ANGEL1: variants seen among roughly 807,000 people sequenced by gnomAD.
The protein encoded by ANGEL1 is RNA 2',3'-cyclic phosphatase ANGEL1.
A neutral mutation model predicts 76.4 loss-of-function variants in ANGEL1; 62 were observed. That is an observed-to-expected ratio of 0.81 (90% CI 0.66 to 1.00). ANGEL1 has a LOEUF of 1.00. Among genes scored for constraint, ANGEL1 ranks in the 50% least tolerant of loss-of-function variants. The pLI is 0.00. For missense variants in ANGEL1, 737 were observed against 836.7 expected (o/e 0.88, Z 1.47); for synonymous variants, 340 against 331.7 (o/e 1.03, Z -0.27).
intron 7 of ANGEL1, among the ~76,000 whole-genome samples, chr14:76,794,085 G>A (rs1388039069): frequency 6.6e-6 from 1 of 152,136 alleles, no homozygotes; most frequent in African/African-American, 2.4e-5. Context: ...ACAGAACTGA[G>A]AGTCCAGAAA....
intron 1 of ANGEL1, among the ~76,000 whole-genome samples, chr14:76,811,354 CTTT>C (rs1193376049): frequency 2.6e-5 from 4 of 152,152 alleles, no homozygotes; most frequent in Admixed American, 6.5e-5. Context: ...GGCAGAGGTT[CTTT>C]GGTTCATATG....
chr14:76,790,899 T>C, intron 8 of ANGEL1, 125 bp from the exon 9 acceptor site: 3 of 1,316,288 alleles, frequency 2.3e-6, no homozygotes, highest in Non-Finnish European at 3.0e-6. Context: ...TCTCAGCCAA[T>C]TCCTCCCCAT....
chr14:76,805,355 G>A (rs1894887881), intron 5 of ANGEL1, among the ~76,000 whole-genome samples: 2 of 152,252 alleles, frequency 1.3e-5, no homozygotes, highest in South Asian at 2.1e-4. Context: ...CAGGCAGTCA[G>A]TAAATTCTTT....
rs1894679998 is a variant in ANGEL1, at chr14:76,799,275, CTCCTTTT to C, written c.1618+4089_1618+4095del. 6.4e-5 allele frequency among the ~76,000 whole-genome samples: 7 copies of C among 108,772 alleles called. No individual in the cohort carries two copies. In the South Asian group the frequency reaches 2.2e-3, roughly 34 times the overall value. 71.4% of individuals were successfully genotyped at this position (108,772 alleles called of 152,430 possible). On this transcript the variant is annotated intron_variant, in intron 7 of 9. Transcript: ENST00000251089. ...GATCTCGTTGTACTCCATTCATGGC[CTCCTTTT>C]TTTTTTTTTTTTTTTTTTTTTTTTT... is the stretch of plus-strand genomic sequence containing the variant.
Position 76,812,814 on chromosome 14 carries a change from C to T in ANGEL1, c.14G>A (p.Cys5Tyr). The stretch of plus-strand genomic sequence containing the variant: ...GGCCGGCAGCAGCAGGTAACACAAG[C>T]ACGACGCGATCATGGCCGGCCGCCC... MIAS[C>Y]LCYLLLPATR... The change falls in exon 1 of 10, where the codon TGC (cysteine) becomes TAC (tyrosine). Residue 5 changes from cysteine to tyrosine, a missense_variant. Transcript: ENST00000251089. 1.3e-6 allele frequency: 2 copies of T among 1,518,056 alleles called. No individual in the cohort carries two copies. Among genetic ancestry groups the T allele is most frequent in the Admixed American group, 2.0e-5 (1 of 49,278 alleles). 94.0% of individuals were successfully genotyped at this position (1,518,056 alleles called of 1,614,324 possible). A position where few individuals can be genotyped will look rare whatever the true frequency, so the allele number is the denominator to read the frequency against.
In ANGEL1 at chr14:76,808,110, G is replaced by T. The variant is rs750391106; in HGVS notation, c.688C>A (p.Pro230Thr). Residue 230 changes from proline (P) to threonine (T), a missense_variant, in exon 3 of 10, where the codon CCA becomes ACA. Pro to Thr is a conservative substitution (Grantham distance 38, BLOSUM62 -1). Transcript: ENST00000251089. ...CCTGCCTTCAGGCCCTGAGCATCTGGCTGGGTGGAGAAATCCTCCCATTCT... is the reference window on the plus strand; with the variant it reads ...CCTGCCTTCAGGCCCTGAGCATCTGTCTGGGTGGAGAAATCCTCCCATTCT... ...WREWEDFSTQ[P>T]DAQGLKAGDG... 6 of 1,613,748 alleles carry T rather than the reference G, an allele frequency of 3.7e-6. No homozygotes were observed. Among genetic ancestry groups the T allele is most frequent in the Admixed American group, 1.7e-5 (1 of 60,002 alleles).
chr14:76,806,045 A>G (rs1894907946), intron 5 of ANGEL1, among the ~76,000 whole-genome samples: 1 of 152,262 alleles, frequency 6.6e-6, no homozygotes, highest in African/African-American at 2.4e-5. Flanking sequence ...CAAAGAAAAC[A>G]AGCTAAAAGA....
intron 9 of ANGEL1, among the ~76,000 whole-genome samples, chr14:76,789,612 G>A (rs1894338746): frequency 6.6e-6 from 1 of 152,054 alleles, no homozygotes; most frequent in Admixed American, 6.5e-5. Flanking sequence ...GGGGAACTGG[G>A]GCAAGCTGGA....
chr14:76,807,369 T>C (rs1566701290), intron 4 of ANGEL1, 64 bp downstream of exon 4: 1 of 1,504,628 alleles, frequency 6.6e-7, no homozygotes, highest in Non-Finnish European at 9.1e-7. Flanking sequence ...GATGGGGTCT[T>C]CAGGAGAGAG....
At chr14:76,803,519 G>A (rs373241653) in intron 6 of ANGEL1, 38 bp from the exon 7 acceptor site, 69 of 1,600,844 alleles carry the variant, frequency 4.3e-5, no homozygotes, top group African/African-American at 2.3e-4. Context: ...AAAGAAAGAC[G>A]ATGAAGCCAC....
intron 5 of ANGEL1, 177 bp from the exon 6 acceptor site, chr14:76,804,089 T>G: frequency 6.8e-7 from 1 of 1,465,980 alleles, no homozygotes; most frequent in African/African-American, 1.4e-5. Context: ...ATTAAAACCA[T>G]TACTTTTTCA....
At chr14:76,802,556 C>T (rs1216643706) in intron 7 of ANGEL1, among the ~76,000 whole-genome samples, 1 of 152,152 alleles carries the variant, frequency 6.6e-6, no homozygotes, top group Non-Finnish European at 1.5e-5. Flanking sequence ...CCCTCTCTAC[C>T]ACTTGAACAG....
intron 5 of ANGEL1, 29 bp downstream of exon 5, chr14:76,806,387 C>T: frequency 6.3e-7 from 1 of 1,592,656 alleles, no homozygotes; most frequent in Non-Finnish European, 8.6e-7. Context: ...ACCATGTTCC[C>T]ACCCACACCG....
intron 7 of ANGEL1, among the ~76,000 whole-genome samples, chr14:76,797,098 A>T (rs1894602468): frequency 6.6e-6 from 1 of 152,158 alleles, no homozygotes; most frequent in Non-Finnish European, 1.5e-5. Flanking sequence ...CTACCTCTAC[A>T]TGAGCTACAG....
At chr14:76,802,665 CT>C (rs1894800706) in intron 7 of ANGEL1, among the ~76,000 whole-genome samples, 2 of 151,002 alleles carry the variant, frequency 1.3e-5, no homozygotes, top group South Asian at 2.1e-4. Flanking sequence ...ATGACCTGTG[CT>C]TTCTACTCTT....
rs1013058763 is a variant in ANGEL1, at chr14:76,788,115, G to C, written c.*1113C>G. On this transcript the variant is annotated 3_prime_UTR_variant, in exon 10 of 10. Transcript: ENST00000251089. ...GGAAATGGAAGGGAAGCGGGAGATG[G>C]GAGATAGCAGAAAGTAAAAAGTGGT... 6 of 152,260 alleles carry C rather than the reference G, an allele frequency of 3.9e-5. No individual in the cohort carries two copies. Among genetic ancestry groups the C allele is most frequent in the Non-Finnish European group, 8.8e-5 (6 of 68,074 alleles). 9.4% of individuals were successfully genotyped at this position (152,260 alleles called of 1,614,324 possible). A position where few individuals can be genotyped will look rare whatever the true frequency, so the allele number is the denominator to read the frequency against.
Position 76,789,143 on chromosome 14 carries a change from A to G in ANGEL1, c.*85T>C. 1 of 1,524,814 alleles carries G rather than the reference A, an allele frequency of 6.6e-7. No homozygotes were observed. The highest frequency in any genetic ancestry group is 1.4e-5 in the African/African-American group (1 of 72,062). The allele number at this position is 1,524,814 out of a possible 1,614,324, so 94.5% of individuals were successfully genotyped here. ...AGGGGATGTAAGTTTCTTGGATCTAAGTTTCTAGATGCATGGGATTTTTCC... is the reference window on the plus strand; with the variant it reads ...AGGGGATGTAAGTTTCTTGGATCTAGGTTTCTAGATGCATGGGATTTTTCC... On this transcript the variant is annotated 3_prime_UTR_variant, in exon 10 of 10. Transcript: ENST00000251089.
chr14:76,809,676 A>G (rs1425227961), intron 1 of ANGEL1, 33 bp from the exon 2 acceptor site: 5 of 1,559,460 alleles, frequency 3.2e-6, no homozygotes, highest in Non-Finnish European at 4.4e-6. Context: ...AGGTTATAAG[A>G]CTGTCATCCA....
chr14:76,809,864 T>A (rs888615859), intron 1 of ANGEL1, among the ~76,000 whole-genome samples: 2 of 152,206 alleles, frequency 1.3e-5, no homozygotes, highest in Non-Finnish European at 2.9e-5. Flanking sequence ...GTTGACTAAT[T>A]TATATGGCAG....
Sources: allele counts gnomAD v4.1 joint callset (sites outside exome capture counted in the v4.1 genomes callset), GRCh38; gene constraint gnomAD v4.1.1; transcripts MANE v1.5; gene names NCBI Gene and HGNC (gene_info 2026-07-23, HGNC 2026-07-21).